Variants in SNIP1 observed in about 807,000 individuals in gnomAD.
SNIP1 encodes smad nuclear-interacting protein 1.
Under a neutral mutation model 37.4 loss-of-function variants are expected in SNIP1, and 23 were observed. That is an observed-to-expected ratio of 0.61 (90% confidence interval 0.44 to 0.87). SNIP1 has a LOEUF of 0.87. Among genes scored for constraint, SNIP1 ranks in the 40% least tolerant of loss-of-function variants. The probability of loss-of-function intolerance (pLI) is 0.00; values close to 1 mark genes in which losing one functional copy is unlikely to be tolerated. For synonymous variants in SNIP1, 174 were observed against 200.0 expected, an observed-to-expected ratio of 0.87 and a Z score of 1.10; for missense variants, 459 against 540.4, an observed-to-expected ratio of 0.85 and a Z score of 1.49.
At chr1:37,541,884 C>T (rs1312351899) in intron 2 of SNIP1, among the ~76,000 whole-genome samples, 1 of 152,168 alleles carries the variant, frequency 6.6e-6, no homozygotes, top group African/African-American at 2.4e-5. Flanking sequence ...GTGGCTATAA[C>T]TTTTACAGTA....
intron 3 of SNIP1, among the ~76,000 whole-genome samples, chr1:37,538,274 C>T (rs565965532): frequency 1.3e-5 from 2 of 152,068 alleles, no homozygotes; most frequent in Admixed American, 1.3e-4. Context: ...TTTGGGAGGC[C>T]GAGACGGGCG....
chr1:37,548,303 GT>G (rs1221629322), intron 2 of SNIP1, among the ~76,000 whole-genome samples: 1 of 150,796 alleles, frequency 6.6e-6, no homozygotes. Flanking sequence ...TTGTTATACT[GT>G]TATTTGTCTT....
intron 2 of SNIP1, among the ~76,000 whole-genome samples, chr1:37,542,364 AT>A (rs1643184703): frequency 6.6e-6 from 1 of 152,210 alleles, no homozygotes; most frequent in Non-Finnish European, 1.5e-5. Context: ...TCCATTTAAT[AT>A]TTTCAGATGC....
chr1:37,548,615 T>A (rs1260540371), intron 2 of SNIP1, among the ~76,000 whole-genome samples: 1 of 151,680 alleles, frequency 6.6e-6, no homozygotes, highest in African/African-American at 2.4e-5. Context: ...CGGCCCAGAC[T>A]CTAATCCCAG....
chr1:37,539,430 G>A (rs1434876836), intron 3 of SNIP1, among the ~76,000 whole-genome samples: 1 of 152,140 alleles, frequency 6.6e-6, no homozygotes, highest in Non-Finnish European at 1.5e-5. Flanking sequence ...AAACAAAACG[G>A]GCCAGCCGCA....
intron 2 of SNIP1, 91 bp downstream of exon 2, chr1:37,552,554 G>GCA: frequency 9.1e-7 from 1 of 1,095,890 alleles, no homozygotes; most frequent in Non-Finnish European, 1.4e-6. Context: ...GCACATGTGT[G>GCA]CACACACACA....
intron 2 of SNIP1, chr1:37,548,927 CCT>C (rs1643272175): frequency 6.6e-6 from 1 of 152,238 alleles, no homozygotes; most frequent in African/African-American, 2.4e-5. Context: ...GTCCATTAAA[CCT>C]CTTTCTTTTG....
In SNIP1 at chr1:37,554,152, C is replaced by G. The variant is rs986165132; in HGVS notation, c.78G>C (p.Gly26=). 2 of 1,612,694 alleles carry G rather than the reference C, an allele frequency of 1.2e-6. No homozygotes were observed. Among genetic ancestry groups the G allele is most frequent in the Non-Finnish European group, 1.7e-6 (2 of 1,179,412 alleles). The change falls in exon 1 of 4, where the codon GGG becomes GGC. Residue 26 remains glycine, a synonymous_variant. Transcript: ENST00000296215. ...TGAGACGCTCCTGCTTCACCACCACCCCCGCCGGCAGCACCACGTCCCCGT... is the reference window on the plus strand; with the variant it reads ...TGAGACGCTCCTGCTTCACCACCACGCCCGCCGGCAGCACCACGTCCCCGT... The part of the protein sequence containing the change: ...HRDGDVVLPA[G]VVVKQERLSP...
In SNIP1 at chr1:37,535,230, T is replaced by TATATATATATATATATATATATA. The variant is rs1553165371; in HGVS notation, c.*2517_*2518insTATATATATATATATATATATAT. ...ACTAAAAAAAAATAAAAAATAAAAA[T>TATATATATATATATATATATATA]TATATATATAAATTAGCCAGGCTTG... On this transcript the variant is annotated 3_prime_UTR_variant, in exon 4 of 4. Transcript: ENST00000296215. The TATATATATATATATATATATATA allele has an allele frequency of 5.8e-5, 1 of 17,294 alleles. No homozygotes were observed. The allele number at this position is 17,294 out of a possible 1,614,324, so 1.1% of individuals were successfully genotyped here.
chr1:37,540,379 T>C lies in SNIP1; in HGVS notation c.704A>G (p.Asp235Gly), dbSNP rs1363401630. ...GACTACACCCCGGAAAGTGTTGGTG[T>C]CCTCAAGAAGTGCCCCAGAAAGTTC... ...SFELSGALLE[D>G]TNTFRGVVIK... is the part of the protein sequence containing the mutation. The change falls in exon 3 of 4, where the codon GAC (aspartate) becomes GGC (glycine). Residue 235 changes from aspartate to glycine, a missense_variant. Asp to Gly is a moderately conservative substitution (Grantham distance 94). Coordinates refer to ENST00000296215, the MANE Select transcript of SNIP1 (RefSeq NM_024700.4). This position sits in a 1 kb window ranked among gnomAD's most constrained non-coding sequence, Gnocchi z 5.6. 1 of 1,614,120 alleles carries C rather than the reference T, an allele frequency of 6.2e-7. No homozygotes were observed. The highest frequency in any genetic ancestry group is 8.5e-7 in the Non-Finnish European group (1 of 1,180,010).
At chr1:37,542,213 G>A (rs150146017) in intron 2 of SNIP1, among the ~76,000 whole-genome samples, 266 of 152,272 alleles carry the variant, frequency 1.7e-3, no homozygotes, top group African/African-American at 6.1e-3. Context: ...ACTAAGTGAT[G>A]GACAGGCAGG....
At chr1:37,549,306 A>G (rs1032419986) in intron 2 of SNIP1, among the ~76,000 whole-genome samples, 1 of 152,242 alleles carries the variant, frequency 6.6e-6, no homozygotes, top group Non-Finnish European at 1.5e-5. Context: ...AGATGATCTA[A>G]ATAAAAGGGG....
Position 37,540,106 on chromosome 1 carries a change from CTGAG to C in SNIP1, c.926+47_926+50del, listed in dbSNP as rs781062018. ...TGAACAAAAATCTTAGTAATCCTAA[CTGAG>C]TGATTGTTTCTGCTCACATTACAGT... On this transcript the variant is annotated intron_variant, in intron 3 of 3. Coordinates refer to ENST00000296215, the MANE Select transcript of SNIP1 (RefSeq NM_024700.4). This position sits in a 1 kb window ranked among gnomAD's most constrained non-coding sequence, Gnocchi z 5.6. 18 of 1,468,212 alleles carry C rather than the reference CTGAG, an allele frequency of 1.2e-5. No homozygotes were observed. The highest frequency in any genetic ancestry group is 1.1e-4 in the East Asian group (5 of 43,736). 90.9% of individuals were successfully genotyped at this position (1,468,212 alleles called of 1,614,324 possible). A position where few individuals can be genotyped will look rare whatever the true frequency, so the allele number is the denominator to read the frequency against.
chr1:37,551,435 A>G (rs1314814865), intron 2 of SNIP1, among the ~76,000 whole-genome samples: 1 of 152,236 alleles, frequency 6.6e-6, no homozygotes. Context: ...TACAGCCACT[A>G]TTACGGACTA....
Position 37,554,232 on chromosome 1 carries a change from T to A in SNIP1, c.-3A>T. 3.1e-6 allele frequency: 5 copies of A among 1,592,008 alleles called. No homozygotes were observed. Among genetic ancestry groups the A allele is most frequent in the Non-Finnish European group, 4.3e-6 (5 of 1,166,988 alleles). ...CGTTCGCTCTTCACCGCCTTCATTCTGTGATTTTGGCTGGGCGAAAGAAAA... is the reference window on the plus strand; with the variant it reads ...CGTTCGCTCTTCACCGCCTTCATTCAGTGATTTTGGCTGGGCGAAAGAAAA... On this transcript the variant is annotated 5_prime_UTR_variant, in exon 1 of 4. Transcript: ENST00000296215.
At position 37,554,197 on chromosome 1, in the gene SNIP1, C is replaced by A. The variant is rs774479102; in HGVS notation, c.33G>T (p.Gly11=). The A allele has an allele frequency of 1.2e-6, 2 of 1,609,434 alleles. No homozygotes were observed. Among genetic ancestry groups the A allele is most frequent in the Non-Finnish European group, 1.7e-6 (2 of 1,177,406 alleles). Residue 11 remains glycine, a synonymous_variant, in exon 1 of 4, where the codon GGG becomes GGT. Coordinates refer to ENST00000296215, the MANE Select transcript of SNIP1 (RefSeq NM_024700.4). The part of the protein sequence containing the change: MKAVKSERER[G]SRRRHRDGDV... ...CCCCGTCCCGGTGTCTTCGCCGGCT[C>A]CCTCGCTCCCGTTCGCTCTTCACCG...
chr1:37,542,562 A>T (rs1470983727), intron 2 of SNIP1, among the ~76,000 whole-genome samples: 1 of 152,136 alleles, frequency 6.6e-6, no homozygotes, highest in Non-Finnish European at 1.5e-5. Context: ...CAACATGGCG[A>T]AACTCTGTCT....
At chr1:37,546,441 AGGTG>A (rs987758141) in intron 2 of SNIP1, among the ~76,000 whole-genome samples, 104 of 152,246 alleles carry the variant, frequency 6.8e-4, no homozygotes, top group African/African-American at 2.3e-3. Flanking sequence ...TGGGAGGCTG[AGGTG>A]GGTGGATCAC....
intron 2 of SNIP1, among the ~76,000 whole-genome samples, chr1:37,551,985 C>A (rs1643306296): frequency 6.6e-6 from 1 of 152,070 alleles, no homozygotes; most frequent in Non-Finnish European, 1.5e-5. Flanking sequence ...TGGAAACAAC[C>A]CAGATGTTCT....
Sources: allele counts gnomAD v4.1 joint callset (sites outside exome capture counted in the v4.1 genomes callset), GRCh38; gene constraint gnomAD v4.1.1; non-coding constraint Gnocchi (gnomAD v3.1); transcripts MANE v1.5; gene names NCBI Gene and HGNC (gene_info 2026-07-23, HGNC 2026-07-21).